The following DOCK10 variants were observed in gnomAD, a reference collection of about 807,000 sequenced individuals.
The protein encoded by DOCK10 is dedicator of cytokinesis protein 10.
In DOCK10, 145 loss-of-function variants were observed where a neutral mutation model predicts 280.1. The ratio of observed to expected loss-of-function variants is 0.52; its 90% confidence interval spans 0.45 to 0.59. DOCK10 has a LOEUF of 0.59. Ranked by LOEUF, DOCK10 falls within the 20% of genes least tolerant of loss-of-function variation. The probability of loss-of-function intolerance (pLI) is 0.00; values close to 1 mark genes in which losing one functional copy is unlikely to be tolerated. For synonymous variants in DOCK10, 915 were observed against 942.2 expected, an observed-to-expected ratio of 0.97 and a Z score of 0.53; for missense variants, 2,368 against 2,651.7, an observed-to-expected ratio of 0.89 and a Z score of 2.35.
chr2:225,013,437 G>A (rs548873512), intron 1 of DOCK10, among the ~76,000 whole-genome samples: 1 of 152,096 alleles, frequency 6.6e-6, no homozygotes, highest in East Asian at 1.9e-4. Flanking sequence ...CTCAGAAATG[G>A]CTCCACAAGT....
In DOCK10 at chr2:224,865,858, C is replaced by G. The variant is rs577558119; in HGVS notation, c.1258-771G>C. Among the ~76,000 whole-genome samples, 9 of 149,338 alleles carry G rather than the reference C, an allele frequency of 6.0e-5. No individual in the cohort carries two copies. The South Asian group carries it at 1.9e-3, about 31-fold the overall frequency. Reference sequence around the variant, plus strand: ...TTTCTCTCTCTCTCTCTCTCTCTCACACACACACACACACTCTCTCTCTCT... The same window carrying G: ...TTTCTCTCTCTCTCTCTCTCTCTCAGACACACACACACACTCTCTCTCTCT... On this transcript the variant is annotated intron_variant, in intron 11 of 55. Transcript: ENST00000258390.
At chr2:224,795,515 T>A (rs1407143160) in intron 44 of DOCK10, among the ~76,000 whole-genome samples, 1 of 152,146 alleles carries the variant, frequency 6.6e-6, no homozygotes, top group African/African-American at 2.4e-5. Flanking sequence ...TAAGCTTGGA[T>A]CAAAGAGATT....
In DOCK10 at chr2:224,827,314, C is replaced by T. The variant is rs142202722; in HGVS notation, c.3036+3227G>A. On this transcript the variant is annotated intron_variant, in intron 27 of 55. Coordinates refer to ENST00000258390, the MANE Select transcript of DOCK10 (RefSeq NM_014689.3). ...AAAGATGATATCAGGTCTTTTCCCA[C>T]TGTGATGATTAGAGATGGTTAGAGT... Among the ~76,000 whole-genome samples the T allele has an allele frequency of 1.0e-3, 156 of 151,304 alleles. 1 individual carries two copies. The highest frequency in any genetic ancestry group is 4.2e-3 in the Admixed American group (64 of 15,182).
chr2:224,811,966 T>C (rs1364761176), intron 31 of DOCK10, among the ~76,000 whole-genome samples: 2 of 152,150 alleles, frequency 1.3e-5, no homozygotes, highest in Non-Finnish European at 2.9e-5. Flanking sequence ...CTTGGCAATG[T>C]GGGCTCTTTT....
At chr2:225,002,621 C>T (rs997724571) in intron 1 of DOCK10, among the ~76,000 whole-genome samples, 1 of 152,220 alleles carries the variant, frequency 6.6e-6, no homozygotes, top group South Asian at 2.1e-4. Context: ...CATAGTGAGA[C>T]AATGGCCACG....
intron 2 of DOCK10, 86 bp downstream of exon 2, chr2:224,931,463 T>C (rs976392899): frequency 3.2e-5 from 47 of 1,455,590 alleles, no homozygotes; most frequent in Non-Finnish European, 1.6e-5. Flanking sequence ...CAGGGAGGCC[T>C]GGACTCTCTG....
chr2:224,995,203 G>A (rs1278172823), intron 1 of DOCK10, among the ~76,000 whole-genome samples: 1 of 152,200 alleles, frequency 6.6e-6, no homozygotes, highest in African/African-American at 2.4e-5. Context: ...GGAGTTTGAA[G>A]TTTATGACCA....
chr2:224,927,526 T>C (rs532506860), intron 2 of DOCK10, among the ~76,000 whole-genome samples: 1 of 151,850 alleles, frequency 6.6e-6, no homozygotes, highest in Admixed American at 6.5e-5. Context: ...GACAGCAGAG[T>C]GAATAGAGAA....
chr2:224,810,939 A>G (rs1693729872), intron 31 of DOCK10, among the ~76,000 whole-genome samples: 1 of 152,068 alleles, frequency 6.6e-6, no homozygotes, highest in Non-Finnish European at 1.5e-5. Flanking sequence ...GTGCCGCAAT[A>G]AACATACGTG....
intron 1 of DOCK10, among the ~76,000 whole-genome samples, chr2:225,037,835 A>G (rs1449256392): frequency 6.6e-6 from 1 of 152,220 alleles, no homozygotes; most frequent in African/African-American, 2.4e-5. Context: ...TGATCCTTCT[A>G]GAAGTTTTCT....
At chr2:224,960,890 C>A (rs1258278295) in intron 1 of DOCK10, among the ~76,000 whole-genome samples, 2 of 151,954 alleles carry the variant, frequency 1.3e-5, no homozygotes, top group East Asian at 3.9e-4. Context: ...CAGGCGCGCG[C>A]CACCGCGCCC....
At chr2:224,802,088 A>G (rs1477312275) in intron 39 of DOCK10, 48 bp from the exon 40 acceptor site, 4 of 1,584,752 alleles carry the variant, frequency 2.5e-6, no homozygotes, top group Admixed American at 1.7e-5. Flanking sequence ...GGGATGTTAT[A>G]GCCAAATAAC....
At chr2:224,916,488 C>T (rs1415095683) in intron 3 of DOCK10, among the ~76,000 whole-genome samples, 1 of 144,216 alleles carries the variant, frequency 6.9e-6, no homozygotes, top group African/African-American at 2.6e-5. Context: ...CTGCTGTGAG[C>T]AGAGGTGGTG....
At chr2:224,924,513 G>T (rs914913387) in intron 2 of DOCK10, among the ~76,000 whole-genome samples, 1 of 152,182 alleles carries the variant, frequency 6.6e-6, no homozygotes, top group African/African-American at 2.4e-5. Context: ...CTAAATTGCA[G>T]CATGTATCAA....
At position 224,834,238 on chromosome 2, in the gene DOCK10, T is replaced by G; in HGVS notation, c.2876A>C (p.Lys959Thr). 6.2e-7 allele frequency: 1 copy of G among 1,611,486 alleles called. No homozygotes were observed. The highest frequency in any genetic ancestry group is 1.3e-5 in the African/African-American group (1 of 74,968). Reference sequence around the variant, plus strand: ...CAGTTCCTCATGTACAGTCCTCTCCTTGCATGCCCTGGTCTTGAACACGAA... The same window carrying G: ...CAGTTCCTCATGTACAGTCCTCTCCGTGCATGCCCTGGTCTTGAACACGAA... ...IKFVFKTRAC[K>T]ERTVHEELAK... Residue 959 changes from lysine (K) to threonine (T), a missense_variant, in exon 26 of 56, where the codon AAG becomes ACG. Lys to Thr is a moderately conservative substitution (Grantham distance 78). Transcript: ENST00000258390.
rs1453933356 is a variant in DOCK10, at chr2:224,789,051, A to G, written c.5418+13T>C. The G allele has an allele frequency of 6.4e-7, 1 of 1,557,374 alleles. No individual in the cohort carries two copies. The highest frequency in any genetic ancestry group is 2.2e-5 in the East Asian group (1 of 44,558). On this transcript the variant is annotated intron_variant, in intron 48 of 55. Coordinates refer to ENST00000258390, the MANE Select transcript of DOCK10 (RefSeq NM_014689.3). ...TTCCTTCGTTACTGTACATGAGATAATTTTGGTCTAACCTCATTGTATGGT... is the reference window on the plus strand; with the variant it reads ...TTCCTTCGTTACTGTACATGAGATAGTTTTGGTCTAACCTCATTGTATGGT...
At chr2:225,013,395 G>A (rs1425834784) in intron 1 of DOCK10, among the ~76,000 whole-genome samples, 3 of 152,144 alleles carry the variant, frequency 2.0e-5, no homozygotes, top group African/African-American at 4.8e-5. Context: ...TGAAATGTAC[G>A]TCAAGGTTCA....
chr2:224,908,415 TTGTGTGTGTGTGTGTG>T (rs57986119), intron 3 of DOCK10, among the ~76,000 whole-genome samples: 8 of 141,074 alleles, frequency 5.7e-5, no homozygotes, highest in East Asian at 2.2e-4. Context: ...TCATCATCGT[TTGTGTGTGTGTGTGTG>T]TGTGTGTGTG....
At position 224,835,297 on chromosome 2, in the gene DOCK10, C is replaced by A. The variant is rs893404172; in HGVS notation, c.2851-1034G>T. Among the ~76,000 whole-genome samples, 3 of 152,164 alleles carry A rather than the reference C, an allele frequency of 2.0e-5. No homozygotes were observed. In the South Asian group the frequency reaches 6.2e-4, roughly 32 times the overall value. On this transcript the variant is annotated intron_variant, in intron 25 of 55. Coordinates refer to ENST00000258390, the MANE Select transcript of DOCK10 (RefSeq NM_014689.3). ...GCTCATGCCATGCACAGTTATTTAGCCTGAAGGGCATTTAAACTGGCACTG... is the reference window on the plus strand; with the variant it reads ...GCTCATGCCATGCACAGTTATTTAGACTGAAGGGCATTTAAACTGGCACTG...
Sources: allele counts gnomAD v4.1 joint callset (sites outside exome capture counted in the v4.1 genomes callset), GRCh38; gene constraint gnomAD v4.1.1; transcripts MANE v1.5; gene names NCBI Gene and HGNC (gene_info 2026-07-23, HGNC 2026-07-21).